The following APBB1 variants were observed in gnomAD, a reference collection of about 807,000 sequenced individuals.
APBB1 encodes adaptor protein FE65a2.
In APBB1, 22 loss-of-function variants were observed where a neutral mutation model predicts 78.4. The observed-to-expected ratio is 0.28, with a 90% CI of 0.20 to 0.40. The LOEUF is 0.40. Among genes scored for constraint, APBB1 ranks in the 10% least tolerant of loss-of-function variants. The pLI, the probability that APBB1 is intolerant of heterozygous loss-of-function variation, is 1.00. For synonymous variants in APBB1, 369 were observed against 372.7 expected, an observed-to-expected ratio of 0.99 and a Z score of 0.12; for missense variants, 749 against 932.4, an observed-to-expected ratio of 0.80 and a Z score of 2.56.
At chr11:6,396,320 TC>T in intron 12 of APBB1, 105 bp from the exon 13 acceptor site, 1 of 976,498 alleles carries the variant, frequency 1.0e-6, no homozygotes, top group Non-Finnish European at 1.5e-6. Context: ...CTTTGCCCCA[TC>T]CCCACTTTGC....
rs763201343 is a variant in APBB1, at chr11:6,402,627, G to A, written c.1203C>T (p.Leu401=). Residue 401 remains leucine (L), a synonymous_variant, in exon 7 of 15, where the codon CTC becomes CTT. Transcript: ENST00000609360. ...SVAVNNCIRQ[L]SYHKNNLHDP... is the part of the protein sequence containing the mutation. ...CATGCAGGTTGTTTTTGTGGTAAGA[G>A]AGCTGACGGATGCAATTGTTGACTG... is the stretch of plus-strand genomic sequence containing the variant. 6 of 1,614,106 alleles carry A rather than the reference G, an allele frequency of 3.7e-6. No homozygotes were observed. The highest frequency in any genetic ancestry group is 5.1e-6 in the Non-Finnish European group (6 of 1,180,020).
In APBB1 at chr11:6,401,811, C is replaced by T; in HGVS notation, c.1389-123G>A. 7.0e-7 allele frequency: 1 copy of T among 1,431,906 alleles called. No individual in the cohort carries two copies. 88.7% of individuals were successfully genotyped at this position (1,431,906 alleles called of 1,614,324 possible). A position where few individuals can be genotyped will look rare whatever the true frequency, so the allele number is the denominator to read the frequency against. On this transcript the variant is annotated intron_variant, in intron 9 of 14. Transcript: ENST00000609360. The surrounding 1 kb of genome is among the most constrained non-coding windows in gnomAD (Gnocchi z 4.5). ...CAGGGCTTCTGCCCACAGCTGGTCC[C>T]CCATAGGTGCTGCCTTCTTGGGGGG... is the stretch of plus-strand genomic sequence containing the variant.
At chr11:6,405,118 C>G (rs1294498414) in intron 2 of APBB1, 2 of 1,329,068 alleles carry the variant, frequency 1.5e-6, no homozygotes, top group Non-Finnish European at 1.9e-6. Flanking sequence ...CTCCATCCCA[C>G]CCTCCAGTGG....
chr11:6,418,696 C>G (rs1370701729), intron 1 of APBB1, among the ~76,000 whole-genome samples: 1 of 152,182 alleles, frequency 6.6e-6, no homozygotes, highest in Non-Finnish European at 1.5e-5. Context: ...CTCCCCTCCC[C>G]CAACACCCAC....
Position 6,411,462 on chromosome 11 carries a change from G to T in APBB1, c.-14-101C>A. ...ATGCCCTGTGCCTCCTCATCTCCCT[G>T]CACTAAGCAGGCTAGCACCCATGGC... On this transcript the variant is annotated intron_variant, in intron 1 of 14. Transcript: ENST00000609360. The surrounding 1 kb of genome is among the most constrained non-coding windows in gnomAD (Gnocchi z 5.2). 1 of 1,061,156 alleles carries T rather than the reference G, an allele frequency of 9.4e-7. No homozygotes were observed. Among genetic ancestry groups the T allele is most frequent in the Non-Finnish European group, 1.3e-6 (1 of 743,828 alleles). 65.7% of individuals were successfully genotyped at this position (1,061,156 alleles called of 1,614,324 possible).
At chr11:6,409,426 T>G (rs1434300347) in intron 2 of APBB1, among the ~76,000 whole-genome samples, 2 of 152,200 alleles carry the variant, frequency 1.3e-5, no homozygotes, top group African/African-American at 4.8e-5. Context: ...ACGCTGGGCC[T>G]AGGAACGGAA....
chr11:6,412,714 A>G (rs1849002894), intron 1 of APBB1, among the ~76,000 whole-genome samples: 1 of 152,170 alleles, frequency 6.6e-6, no homozygotes, highest in Non-Finnish European at 1.5e-5. Context: ...TAGTCCTGGC[A>G]CAGAGCAGGA....
intron 2 of APBB1, among the ~76,000 whole-genome samples, chr11:6,408,723 C>A (rs1271327178): frequency 6.6e-6 from 1 of 152,124 alleles, no homozygotes; most frequent in Non-Finnish European, 1.5e-5. Context: ...AGGCTGATCT[C>A]GAACTCCTGA....
chr11:6,418,660 C>T (rs977279195), intron 1 of APBB1, among the ~76,000 whole-genome samples: 4 of 152,174 alleles, frequency 2.6e-5, no homozygotes, highest in Non-Finnish European at 5.9e-5. Context: ...CCCACCCCAC[C>T]CCACGTCCCC....
At chr11:6,406,490 A>G (rs1285167838) in intron 2 of APBB1, among the ~76,000 whole-genome samples, 2 of 152,124 alleles carry the variant, frequency 1.3e-5, no homozygotes, top group African/African-American at 4.8e-5. Context: ...GTACAGCCCA[A>G]ATGATTCTTC....
At chr11:6,396,395 C>T in intron 12 of APBB1, 180 bp from the exon 13 acceptor site, 1 of 575,876 alleles carries the variant, frequency 1.7e-6, no homozygotes, top group Admixed American at 3.7e-5. Flanking sequence ...CCCCTGGCTT[C>T]AGTAACTGGA....
intron 1 of APBB1, among the ~76,000 whole-genome samples, chr11:6,413,519 C>A (rs1337999970): frequency 1.3e-5 from 2 of 152,192 alleles, no homozygotes; most frequent in Non-Finnish European, 2.9e-5. Flanking sequence ...AGGTGCGGTG[C>A]GCCCAGGCTG....
chr11:6,406,614 CCT>C (rs981308149), intron 2 of APBB1, among the ~76,000 whole-genome samples: 3 of 152,096 alleles, frequency 2.0e-5, no homozygotes, highest in Admixed American at 6.5e-5. Context: ...GTCATGAACC[CCT>C]GTCTGCCTCT....
intron 2 of APBB1, chr11:6,404,518 C>T: frequency 6.8e-7 from 1 of 1,462,402 alleles, no homozygotes; most frequent in Non-Finnish European, 9.2e-7. Context: ...TCAAACCCTG[C>T]CAAATGTGTG....
intron 8 of APBB1, 22 bp downstream of exon 8, chr11:6,402,060 G>A (rs779082515): frequency 3.1e-6 from 5 of 1,612,454 alleles, no homozygotes; most frequent in African/African-American, 2.7e-5. Context: ...TCCCACCCTC[G>A]AATCCCAAGC....
At chr11:6,407,815 C>G (rs555404045) in intron 2 of APBB1, among the ~76,000 whole-genome samples, 1 of 150,612 alleles carries the variant, frequency 6.6e-6, no homozygotes, top group Non-Finnish European at 1.5e-5. Flanking sequence ...CTCTGTCGCC[C>G]GGGCCGGACT....
At chr11:6,417,333 C>T (rs574530241) in intron 1 of APBB1, among the ~76,000 whole-genome samples, 5 of 152,166 alleles carry the variant, frequency 3.3e-5, no homozygotes, top group African/African-American at 7.2e-5. Flanking sequence ...TCCCTATCCC[C>T]GAGACCAGTT....
At chr11:6,413,347 A>G (rs1197229069) in intron 1 of APBB1, among the ~76,000 whole-genome samples, 1 of 152,144 alleles carries the variant, frequency 6.6e-6, no homozygotes, top group Non-Finnish European at 1.5e-5. Context: ...CCCACTGTAC[A>G]GACCTTTCTC....
At chr11:6,405,335 G>A (rs751185856) in intron 2 of APBB1, 111 of 986,812 alleles carry the variant, frequency 1.1e-4, no homozygotes, top group Non-Finnish European at 1.3e-4. Context: ...CTGAGCCCCA[G>A]CAAGCTTGAG....
Sources: allele counts gnomAD v4.1 joint callset (sites outside exome capture counted in the v4.1 genomes callset), GRCh38; gene constraint gnomAD v4.1.1; non-coding constraint Gnocchi (gnomAD v3.1); transcripts MANE v1.5; gene names NCBI Gene and HGNC (gene_info 2026-07-23, HGNC 2026-07-21).